Variants in SAFB2 observed in about 807,000 individuals in gnomAD.
SAFB2 encodes scaffold attachment factor B2.
In SAFB2, 32 loss-of-function variants were observed where a neutral mutation model predicts 100.6. That is an observed-to-expected ratio of 0.32 (90% CI 0.24 to 0.43). The LOEUF (loss-of-function observed/expected upper bound fraction) is 0.43. Among genes scored for constraint, SAFB2 ranks in the 20% least tolerant of loss-of-function variants. The pLI, the probability that SAFB2 is intolerant of heterozygous loss-of-function variation, is 1.00. For missense variants in SAFB2, 1,185 were observed against 1,163.4 expected, an observed-to-expected ratio of 1.02 and a Z score of -0.27; for synonymous variants, 500 against 439.4, an observed-to-expected ratio of 1.14 and a Z score of -1.72.
At position 5,622,720 on chromosome 19, in the gene SAFB2, G is replaced by A. The variant is rs368884536; in HGVS notation, c.-5C>T. On this transcript the variant is annotated 5_prime_UTR_variant, in exon 1 of 21. Coordinates refer to ENST00000252542, the MANE Select transcript of SAFB2 (RefSeq NM_014649.3). ...CCCGGGCAGAGTCTCCGCCATCGTC[G>A]CGTTCCCGTCTTCGCCACCGACTCA... The A allele has an allele frequency of 2.0e-5, 32 of 1,597,680 alleles. No homozygotes were observed. In the African/African-American group the frequency reaches 3.3e-4, roughly 17 times the overall value.
At chr19:5,606,738 T>C (rs2052782276) in intron 9 of SAFB2, among the ~76,000 whole-genome samples, 1 of 152,184 alleles carries the variant, frequency 6.6e-6, no homozygotes, top group Non-Finnish European at 1.5e-5. Flanking sequence ...CCTAGAATTC[T>C]ATACCCAGTG....
In SAFB2 at chr19:5,587,065, G is replaced by T; in HGVS notation, c.*178C>A. ...TTAACAGAAACCTTGATTTAAAAAT[G>T]GCAGAACAAGAACACATTTATTTAA... On this transcript the variant is annotated 3_prime_UTR_variant, in exon 21 of 21. Transcript: ENST00000252542. The surrounding 1 kb of genome is among the most constrained non-coding windows in gnomAD (Gnocchi z 4.9). 2 of 797,652 alleles carry T rather than the reference G, an allele frequency of 2.5e-6. No homozygotes were observed. The highest frequency in any genetic ancestry group is 3.9e-6 in the Non-Finnish European group (2 of 510,096). The allele number at this position is 797,652 out of a possible 1,614,324, so 49.4% of individuals were successfully genotyped here. A position where few individuals can be genotyped will look rare whatever the true frequency, so the allele number is the denominator to read the frequency against.
At chr19:5,593,549 G>C in intron 15 of SAFB2, 1 of 247,878 alleles carries the variant, frequency 4.0e-6, no homozygotes, top group Non-Finnish European at 7.6e-6. Flanking sequence ...GGCCAACTTG[G>C]GCCTAACGGG....
intron 6 of SAFB2, chr19:5,612,235 T>C: frequency 2.2e-6 from 1 of 452,274 alleles, no homozygotes; most frequent in Non-Finnish European, 3.9e-6. Context: ...ACAAGATCTG[T>C]TTCATGTGTA....
intron 15 of SAFB2, chr19:5,593,487 C>T (rs903914914): frequency 2.6e-5 from 5 of 188,790 alleles, no homozygotes; most frequent in Non-Finnish European, 4.3e-5. Flanking sequence ...TCCACAGCGC[C>T]TGCTCTGCCT....
At position 5,594,118 on chromosome 19, in the gene SAFB2, C is replaced by T. The variant is rs150997708; in HGVS notation, c.1980G>A (p.Lys660=). ...GCAGGCGTTCCCGCTGTAGCCGGGC[C>T]TTCTCCTTCCGCTCATGGAAGGCCT... ...RLEAFHERKE[K]ARLQRERLQL... is the part of the protein sequence containing the mutation. Residue 660 remains lysine, a synonymous_variant, in exon 15 of 21, where the codon AAG becomes AAA. Coordinates refer to ENST00000252542, the MANE Select transcript of SAFB2 (RefSeq NM_014649.3). 94 of 1,602,138 alleles carry T rather than the reference C, an allele frequency of 5.9e-5. No homozygotes were observed. Among genetic ancestry groups the T allele is most frequent in the Non-Finnish European group, 7.0e-5 (82 of 1,178,728 alleles).
chr19:5,604,977 C>T (rs1158394806), intron 9 of SAFB2, 41 bp from the exon 10 acceptor site: 1 of 1,595,666 alleles, frequency 6.3e-7, no homozygotes, highest in Non-Finnish European at 8.5e-7. Context: ...ATACAAATGA[C>T]CACACAACTT....
At chr19:5,588,031 T>A in intron 18 of SAFB2, 51 bp from the exon 19 acceptor site, 1 of 1,530,544 alleles carries the variant, frequency 6.5e-7, no homozygotes, top group Non-Finnish European at 8.9e-7. Context: ...TCCAGGGTTG[T>A]GTCGGCAGCA....
chr19:5,587,567 C>T lies in SAFB2; in HGVS notation c.2705+134G>A. ...CCAGGTAACTCAAGAGCGTTATTTGCATAAATTGCAAAGAGCTGCTTTTTG... is the reference window on the plus strand; with the variant it reads ...CCAGGTAACTCAAGAGCGTTATTTGTATAAATTGCAAAGAGCTGCTTTTTG... On this transcript the variant is annotated intron_variant, in intron 20 of 20. Coordinates refer to ENST00000252542, the MANE Select transcript of SAFB2 (RefSeq NM_014649.3). The surrounding 1 kb of genome is among the most constrained non-coding windows in gnomAD (Gnocchi z 4.9). The T allele has an allele frequency of 2.1e-6, 3 of 1,452,810 alleles. No homozygotes were observed. The South Asian group carries it at 4.3e-5, about 21-fold the overall frequency. 90.0% of individuals were successfully genotyped at this position (1,452,810 alleles called of 1,614,324 possible). A position where few individuals can be genotyped will look rare whatever the true frequency, so the allele number is the denominator to read the frequency against.
Position 5,616,227 on chromosome 19 carries a change from C to G in SAFB2, c.448G>C (p.Asp150His). The G allele has an allele frequency of 6.2e-7, 1 of 1,614,208 alleles. No homozygotes were observed. ...ANSSAPDFGE[D>H]GTDGLLDSFC... ...GAATCGAGAAGGCCGTCCGTGCCAT[C>G]CTCCCCAAAATCTGGAGCACTGCTA... The change falls in exon 4 of 21, where the codon GAT (aspartate) becomes CAT (histidine). Residue 150 changes from aspartate to histidine, a missense_variant. Coordinates refer to ENST00000252542, the MANE Select transcript of SAFB2 (RefSeq NM_014649.3).
chr19:5,602,479 CA>C (rs35472223), intron 11 of SAFB2, among the ~76,000 whole-genome samples: 590 of 39,498 alleles, frequency 0.015, 2 homozygotes, highest in African/African-American at 0.057. Context: ...GACTCTGTCT[CA>C]AAAAAAAAAA....
rs60033130 is a variant in SAFB2, at chr19:5,616,643, C to CTT, written c.275-159_275-158dup. 5.4e-4 allele frequency among the ~76,000 whole-genome samples: 39 copies of CTT among 72,804 alleles called. 4 individuals are homozygous for CTT. The highest frequency in any genetic ancestry group is 1.2e-3 in the African/African-American group (21 of 17,252). The allele number at this position is 72,804 out of a possible 152,430, so 47.8% of individuals were successfully genotyped here. A position where few individuals can be genotyped will look rare whatever the true frequency, so the allele number is the denominator to read the frequency against. On this transcript the variant is annotated intron_variant, in intron 2 of 20. Coordinates refer to ENST00000252542, the MANE Select transcript of SAFB2 (RefSeq NM_014649.3). ...ACGTAATTTTGTCTCAATTTGTTTT[C>CTT]TTTTTTTTTTTTTTTTTTTTTTTTT... is the stretch of plus-strand genomic sequence containing the variant.
Position 5,599,027 on chromosome 19 carries a change from C to G in SAFB2, c.1691-143G>C, listed in dbSNP as rs2052596095. ...ACACTAGCCTTGGGAGCCTCTAATT[C>G]TCATCTATTGTGAGCAACACGGTAA... On this transcript the variant is annotated intron_variant, in intron 12 of 20. Coordinates refer to ENST00000252542, the MANE Select transcript of SAFB2 (RefSeq NM_014649.3). 4.3e-6 allele frequency: 3 copies of G among 701,094 alleles called. No homozygotes were observed. In the African/African-American group the frequency reaches 5.3e-5, roughly 12 times the overall value. 43.4% of individuals were successfully genotyped at this position (701,094 alleles called of 1,614,324 possible).
chr19:5,621,233 G>A, intron 2 of SAFB2, 76 bp downstream of exon 2: 2 of 955,610 alleles, frequency 2.1e-6, no homozygotes, highest in Non-Finnish European at 3.4e-6. Context: ...CAGCCTAGAA[G>A]GCGGGAAGAG....
intron 11 of SAFB2, 47 bp from the exon 12 acceptor site, chr19:5,600,307 A>G (rs772447721): frequency 1.2e-6 from 2 of 1,602,080 alleles, no homozygotes; most frequent in Non-Finnish European, 1.7e-6. Context: ...AGACTCTGTA[A>G]CAGGAACGGC....
In SAFB2 at chr19:5,609,346, C is replaced by T. The variant is rs931680424; in HGVS notation, c.1296+649G>A. On this transcript the variant is annotated intron_variant, in intron 9 of 20. Coordinates refer to ENST00000252542, the MANE Select transcript of SAFB2 (RefSeq NM_014649.3). ...TATGACATAGTCTCGCTCTGTTACCCAGGCTGGAGTGCAGTGGCACAATCT... is the reference window on the plus strand; with the variant it reads ...TATGACATAGTCTCGCTCTGTTACCTAGGCTGGAGTGCAGTGGCACAATCT... Among the ~76,000 whole-genome samples, 3 of 147,226 alleles carry T rather than the reference C, an allele frequency of 2.0e-5. No homozygotes were observed. The Admixed American group carries it at 2.1e-4, about 10-fold the overall frequency.
intron 17 of SAFB2, 81 bp downstream of exon 17, chr19:5,591,667 C>G: frequency 1.4e-6 from 2 of 1,429,566 alleles, no homozygotes; most frequent in Non-Finnish European, 2.0e-6. Context: ...TGGGATCAAG[C>G]GGCCGCCTGG....
rs570646480 is a variant in SAFB2, at chr19:5,598,313, A to G, written c.1782+480T>C. Among the ~76,000 whole-genome samples the G allele has an allele frequency of 4.5e-4, 69 of 152,230 alleles. 1 individual carries two copies. In the South Asian group the frequency reaches 0.014, roughly 31 times the overall value. On this transcript the variant is annotated intron_variant, in intron 13 of 20. Coordinates refer to ENST00000252542, the MANE Select transcript of SAFB2 (RefSeq NM_014649.3). ...GAGTGAAAAACGCAAATGAGACGCTATTTCGTCTAGTTGTGTGCACAACTC... is the reference window on the plus strand; with the variant it reads ...GAGTGAAAAACGCAAATGAGACGCTGTTTCGTCTAGTTGTGTGCACAACTC...
chr19:5,603,620 G>A (rs937054526), intron 11 of SAFB2, among the ~76,000 whole-genome samples: 5 of 152,062 alleles, frequency 3.3e-5, no homozygotes, highest in Non-Finnish European at 5.9e-5. Context: ...CAACTACTAC[G>A]CCAAGGTACG....
Sources: gnomAD v4.1 joint callset for allele counts (sites outside exome capture counted in the v4.1 genomes callset) on GRCh38, gnomAD v4.1.1 for gene constraint, Gnocchi (gnomAD v3.1) non-coding constraint, MANE v1.5 for transcripts, NCBI Gene and HGNC (gene_info 2026-07-23, HGNC 2026-07-21) for gene names.